The following SLC8A1 variants were observed in gnomAD, a reference collection of about 807,000 sequenced individuals.
SLC8A1 encodes the protein solute carrier family 8 member A1.
In SLC8A1, 18 loss-of-function variants were observed where a neutral mutation model predicts 68.3. That is an observed-to-expected ratio of 0.26 (90% CI 0.18 to 0.39). The LOEUF (loss-of-function observed/expected upper bound fraction) is 0.39. Among genes scored for constraint, SLC8A1 ranks in the 10% least tolerant of loss-of-function variants. SLC8A1 has a pLI of 1.00. For synonymous variants in SLC8A1, 475 were observed against 415.5 expected (o/e 1.14, Z -1.74); for missense variants, 985 against 1,156.7 (o/e 0.85, Z 2.15).
At chr2:40,298,251 G>T (rs1441395772) in intron 2 of SLC8A1, among the ~76,000 whole-genome samples, 1 of 152,088 alleles carries the variant, frequency 6.6e-6, no homozygotes, top group Non-Finnish European at 1.5e-5. Context: ...ATAAAAATTG[G>T]GCACACATAT....
At chr2:40,180,980 A>G (rs1176880038) in intron 2 of SLC8A1, among the ~76,000 whole-genome samples, 1 of 151,518 alleles carries the variant, frequency 6.6e-6, no homozygotes, top group Non-Finnish European at 1.5e-5. Flanking sequence ...TTTTGTTGAG[A>G]TGGAGTCTCA....
intron 2 of SLC8A1, among the ~76,000 whole-genome samples, chr2:40,200,810 C>G (rs1270072880): frequency 6.6e-6 from 1 of 151,800 alleles, no homozygotes; most frequent in Non-Finnish European, 1.5e-5. Context: ...CTTCATGCTT[C>G]TTATTACTCA....
chr2:40,176,966 C>G (rs573586189), intron 3 of SLC8A1, among the ~76,000 whole-genome samples: 1 of 152,244 alleles, frequency 6.6e-6, no homozygotes, highest in East Asian at 1.9e-4. Flanking sequence ...AGATTGCTGT[C>G]TTTCCTATGA....
chr2:40,387,850 T>A (rs746397458), intron 2 of SLC8A1, among the ~76,000 whole-genome samples: 3 of 150,314 alleles, frequency 2.0e-5, no homozygotes, highest in Non-Finnish European at 4.4e-5. Flanking sequence ...GACATGAGAA[T>A]TGTTTGAACC....
chr2:40,463,384 C>T (rs1034706561), intron 1 of SLC8A1, among the ~76,000 whole-genome samples: 5 of 152,118 alleles, frequency 3.3e-5, no homozygotes, highest in East Asian at 3.9e-4. Context: ...TTGAACTTGT[C>T]GGAATTAATT....
chr2:40,222,682 A>G (rs2058489449), intron 2 of SLC8A1, among the ~76,000 whole-genome samples: 2 of 152,214 alleles, frequency 1.3e-5, no homozygotes, highest in African/African-American at 4.8e-5. Context: ...ACAAGAAAAA[A>G]ACAGCCCCAT....
At chr2:40,280,273 AG>A (rs1414319893) in intron 2 of SLC8A1, among the ~76,000 whole-genome samples, 2 of 143,236 alleles carry the variant, frequency 1.4e-5, no homozygotes, top group African/African-American at 5.0e-5. Context: ...AAAAAAAAAA[AG>A]GTTGTTTTCT....
chr2:40,294,219 A>T (rs181916656), intron 2 of SLC8A1, among the ~76,000 whole-genome samples: 18 of 152,170 alleles, frequency 1.2e-4, no homozygotes, highest in Admixed American at 7.9e-4. Context: ...ATGCAGCATC[A>T]TTTTTTTAAG....
At chr2:40,108,959 C>G (rs1174178276) in exon 8 of SLC8A1, 2 of 152,158 alleles carry the variant, frequency 1.3e-5, no homozygotes, top group African/African-American at 2.4e-5. Flanking sequence ...CTCTGAAAAT[C>G]TCTGGGCAGG....
At chr2:40,372,387 C>T (rs1678381974) in intron 2 of SLC8A1, among the ~76,000 whole-genome samples, 1 of 152,084 alleles carries the variant, frequency 6.6e-6, no homozygotes, top group Non-Finnish European at 1.5e-5. Flanking sequence ...CAACTTTACA[C>T]AAGTACACGT....
intron 2 of SLC8A1, among the ~76,000 whole-genome samples, chr2:40,293,850 A>G (rs1021698738): frequency 4.6e-5 from 7 of 152,162 alleles, no homozygotes; most frequent in Non-Finnish European, 1.0e-4. Context: ...AAAACAAAAA[A>G]AATCAAACTT....
chr2:40,247,700 T>C (rs1488824839), intron 2 of SLC8A1, among the ~76,000 whole-genome samples: 1 of 152,164 alleles, frequency 6.6e-6, no homozygotes, highest in Non-Finnish European at 1.5e-5. Context: ...TACGTATACA[T>C]AGAATTCTAA....
At chr2:40,384,880 G>A (rs898276805) in intron 2 of SLC8A1, among the ~76,000 whole-genome samples, 1 of 151,952 alleles carries the variant, frequency 6.6e-6, no homozygotes, top group Non-Finnish European at 1.5e-5. Flanking sequence ...CTTTACTTGT[G>A]TAGATTAACA....
intron 6 of SLC8A1, among the ~76,000 whole-genome samples, chr2:40,153,046 AC>A (rs2043755223): frequency 6.6e-6 from 1 of 152,194 alleles, no homozygotes; most frequent in Non-Finnish European, 1.5e-5. Context: ...TACATTTCAA[AC>A]CGAGAAAATG....
chr2:40,286,544 T>C (rs1381700346), intron 2 of SLC8A1, among the ~76,000 whole-genome samples: 1 of 152,176 alleles, frequency 6.6e-6, no homozygotes, highest in African/African-American at 2.4e-5. Context: ...AGAAAAGACT[T>C]GGCTTCACCT....
chr2:40,399,130 A>T (rs1239196087), intron 2 of SLC8A1, among the ~76,000 whole-genome samples: 5 of 152,354 alleles, frequency 3.3e-5, no homozygotes, highest in Admixed American at 3.3e-4. Context: ...CAGGTAAAAC[A>T]GCCAAAGTAT....
exon 8 of SLC8A1, chr2:40,101,510 C>G (rs968005346): frequency 8.7e-6 from 1 of 114,398 alleles, no homozygotes; most frequent in African/African-American, 2.9e-5. Context: ...TTTAAAAGAA[C>G]TAGATAAGCT....
rs144026197 is a variant in SLC8A1, at chr2:40,497,814, T to C, written c.-25+14535A>G. On this transcript the variant is annotated intron_variant, in intron 1 of 7. Transcript: ENST00000402441. ...ATGAATTTGAATTTTATCCTGAGAG[T>C]TATAGGGATTTATTGAAAGATTTTT... is the stretch of plus-strand genomic sequence containing the variant. Among the ~76,000 whole-genome samples, 629 of 152,100 alleles carry C rather than the reference T, an allele frequency of 4.1e-3. 6 individuals are homozygous for C. Among genetic ancestry groups the C allele is most frequent in the African/African-American group, 0.014 (579 of 41,508 alleles).
At chr2:40,287,474 T>C (rs911750785) in intron 2 of SLC8A1, among the ~76,000 whole-genome samples, 1 of 152,238 alleles carries the variant, frequency 6.6e-6, no homozygotes, top group Middle Eastern at 3.4e-3. Context: ...TGATGTTCTA[T>C]TGTTCCAATA....
Sources: allele counts gnomAD v4.1 joint callset (sites outside exome capture counted in the v4.1 genomes callset), GRCh38; gene constraint gnomAD v4.1.1; transcripts MANE v1.5; gene names NCBI Gene and HGNC (gene_info 2026-07-23, HGNC 2026-07-21).